Variants in LYPLAL1 observed in about 807,000 individuals in gnomAD.
The protein encoded by LYPLAL1 is lysophospholipase like 1, also known as lysophospholipase-like protein 1.
LYPLAL1 carries 23 observed loss-of-function variants against 19.7 expected under a neutral mutation model. The observed-to-expected ratio is 1.17, with a 90% CI of 0.84 to 1.65. LYPLAL1 has a LOEUF of 1.65. Among genes scored for constraint, LYPLAL1 ranks in the 40% most tolerant of loss-of-function variants. LYPLAL1 has a pLI of 0.00. For missense variants in LYPLAL1, 355 were observed against 279.4 expected (o/e 1.27, Z -1.93); for synonymous variants, 119 against 96.3 (o/e 1.24, Z -1.38).
At chr1:219,190,779 G>A (rs552609328) in intron 2 of LYPLAL1, among the ~76,000 whole-genome samples, 1 of 151,530 alleles carries the variant, frequency 6.6e-6, no homozygotes, top group Non-Finnish European at 1.5e-5. Context: ...ATGACAATAG[G>A]AAAAAATAAT....
the LYPLAL1 span, among the ~76,000 whole-genome samples, chr1:219,381,242 C>A: frequency 6.6e-6 from 1 of 152,170 alleles, no homozygotes; most frequent in Non-Finnish European, 1.5e-5. Context: ...TGCTCTCTTG[C>A]CTGCTGCCAT....
chr1:219,211,584 A>C lies in LYPLAL1; in HGVS notation c.570A>C (p.Thr190=). ...TTCTTCATTCTTGGGCAGAAGAGAC[A>C]AACTCAATGTTAAAATCTCTAGGAG... is the stretch of plus-strand genomic sequence containing the variant. ...ELVLHSWAEE[T]NSMLKSLGVT... The change falls in exon 5 of 5, where the codon ACA becomes ACC. Residue 190 remains threonine, a synonymous_variant. Coordinates refer to ENST00000366928, the MANE Select transcript of LYPLAL1 (RefSeq NM_138794.5). 7 of 1,613,320 alleles carry C rather than the reference A, an allele frequency of 4.3e-6. No individual in the cohort carries two copies. The highest frequency in any genetic ancestry group is 5.9e-6 in the Non-Finnish European group (7 of 1,179,408).
At chr1:219,188,636 A>C (rs1656913083) in intron 2 of LYPLAL1, among the ~76,000 whole-genome samples, 1 of 151,654 alleles carries the variant, frequency 6.6e-6, no homozygotes, top group Non-Finnish European at 1.5e-5. Context: ...TATGACTTTA[A>C]GGCAACACAG....
At chr1:219,290,206 T>C in the LYPLAL1 span, among the ~76,000 whole-genome samples, 1 of 152,218 alleles carries the variant, frequency 6.6e-6, no homozygotes, top group Non-Finnish European at 1.5e-5. Flanking sequence ...TGTGGCTCTA[T>C]TGTGCTGTGT....
intron 2 of LYPLAL1, among the ~76,000 whole-genome samples, chr1:219,190,051 GA>G (rs1037950533): frequency 2.0e-4 from 30 of 151,428 alleles, no homozygotes; most frequent in African/African-American, 6.5e-4. Flanking sequence ...ATACTAAATA[GA>G]AACTAACTTA....
chr1:219,238,993 T>G, the LYPLAL1 span, among the ~76,000 whole-genome samples: 1 of 152,214 alleles, frequency 6.6e-6, no homozygotes, highest in African/African-American at 2.4e-5. Context: ...TTCAAAGATG[T>G]GTGGATTATG....
chr1:219,200,829 G>A (rs1002751988), intron 3 of LYPLAL1, among the ~76,000 whole-genome samples: 1 of 152,242 alleles, frequency 6.6e-6, no homozygotes, highest in Admixed American at 6.5e-5. Context: ...AGGTCTGGAA[G>A]GGTCCTGAGG....
Position 219,174,001 on chromosome 1 carries a change from C to T in LYPLAL1, c.91+20C>T, listed in dbSNP as rs1655591592. 1 of 1,614,006 alleles carries T rather than the reference C, an allele frequency of 6.2e-7. No individual in the cohort carries two copies. The highest frequency in any genetic ancestry group is 1.1e-5 in the South Asian group (1 of 91,078). On this transcript the variant is annotated intron_variant, in intron 1 of 4. Coordinates refer to ENST00000366928, the MANE Select transcript of LYPLAL1 (RefSeq NM_138794.5). ...GCTCAGGTGGATTTCAATTTTACGT[C>T]CTGGTTTTCTACAGCTCGGGAAACA... is the stretch of plus-strand genomic sequence containing the variant.
the LYPLAL1 span, among the ~76,000 whole-genome samples, chr1:219,309,516 C>T: frequency 6.6e-6 from 1 of 152,098 alleles, no homozygotes; most frequent in African/African-American, 2.4e-5. Flanking sequence ...ACTGTACTCC[C>T]ATAATTCCCA....
chr1:219,182,462 C>G (rs1250013780), intron 2 of LYPLAL1, among the ~76,000 whole-genome samples: 2 of 151,986 alleles, frequency 1.3e-5, no homozygotes, highest in Non-Finnish European at 2.9e-5. Flanking sequence ...TCTTGTGCTG[C>G]TAATAAGAGA....
the LYPLAL1 span, among the ~76,000 whole-genome samples, chr1:219,270,178 T>C: frequency 6.6e-6 from 1 of 152,214 alleles, no homozygotes; most frequent in Non-Finnish European, 1.5e-5. Flanking sequence ...GGTGTTATTT[T>C]AGTGGTGTTG....
At chr1:219,390,327 C>T in the LYPLAL1 span, among the ~76,000 whole-genome samples, 1 of 152,158 alleles carries the variant, frequency 6.6e-6, no homozygotes, top group Non-Finnish European at 1.5e-5. Context: ...CTTTATCAGA[C>T]AGAGAAAACT....
chr1:219,175,927 CTT>C (rs1482181700), intron 1 of LYPLAL1, among the ~76,000 whole-genome samples: 1 of 152,134 alleles, frequency 6.6e-6, no homozygotes, highest in African/African-American at 2.4e-5. Context: ...AGTTTTAACA[CTT>C]TTACTATGGA....
At chr1:219,374,736 C>A in the LYPLAL1 span, among the ~76,000 whole-genome samples, 1 of 152,174 alleles carries the variant, frequency 6.6e-6, no homozygotes, top group African/African-American at 2.4e-5. Flanking sequence ...AGATGTTTTT[C>A]ACATCCCAAA....
chr1:219,210,515 T>C lies in LYPLAL1; in HGVS notation c.362-17T>C, dbSNP rs202078061. On this transcript the variant is annotated splice_polypyrimidine_tract_variant and intron_variant, in intron 3 of 4. Transcript: ENST00000366928. ...TTATTTTATGTATTCTACTTTTAAG[T>C]ATGTTTTTGTTTTTAGGAGGATTCT... is the stretch of plus-strand genomic sequence containing the variant. The C allele has an allele frequency of 1.8e-4, 263 of 1,464,318 alleles. 1 individual carries two copies. Among genetic ancestry groups the C allele is most frequent in the Non-Finnish European group, 2.3e-4 (249 of 1,061,704 alleles). 90.7% of individuals were successfully genotyped at this position (1,464,318 alleles called of 1,614,324 possible).
At chr1:219,362,487 T>C in the LYPLAL1 span, among the ~76,000 whole-genome samples, 5 of 152,128 alleles carry the variant, frequency 3.3e-5, no homozygotes, top group Non-Finnish European at 4.4e-5. Context: ...ATTTCCAAGG[T>C]GCAGACAGTA....
the LYPLAL1 span, among the ~76,000 whole-genome samples, chr1:219,259,427 ATATG>A: frequency 6.9e-6 from 1 of 144,318 alleles, no homozygotes; most frequent in Admixed American, 6.8e-5. Flanking sequence ...ATATATATAT[ATATG>A]TATATATACC....
the LYPLAL1 span, among the ~76,000 whole-genome samples, chr1:219,396,940 C>A: frequency 6.6e-6 from 1 of 152,170 alleles, no homozygotes; most frequent in Admixed American, 6.5e-5. Flanking sequence ...GCTAGGACTT[C>A]CAATACTATG....
chr1:219,328,235 G>A, the LYPLAL1 span, among the ~76,000 whole-genome samples: 706 of 152,136 alleles, frequency 4.6e-3, 12 homozygotes, highest in African/African-American at 0.016. Flanking sequence ...CGATACTTCC[G>A]GTTTCTCACT....
Sources: allele counts gnomAD v4.1 joint callset (sites outside exome capture counted in the v4.1 genomes callset), GRCh38; gene constraint gnomAD v4.1.1; transcripts MANE v1.5; gene names NCBI Gene and HGNC (gene_info 2026-07-23, HGNC 2026-07-21).